Variants in AKAP12 observed in about 807,000 individuals in gnomAD.
AKAP12 encodes A-kinase anchor protein 12.
In AKAP12, 32 loss-of-function variants were observed where a neutral mutation model predicts 79.9. The ratio of observed to expected loss-of-function variants is 0.40; its 90% CI spans 0.30 to 0.54. AKAP12 has a LOEUF of 0.54. AKAP12 is among the 20% of genes least tolerant of loss of function. The pLI is 0.48. For missense variants in AKAP12, 2,074 were observed against 2,177.0 expected, an observed-to-expected ratio of 0.95 and a Z score of 0.94; for synonymous variants, 808 against 857.0, an observed-to-expected ratio of 0.94 and a Z score of 1.00.
intron 2 of AKAP12, among the ~76,000 whole-genome samples, chr6:151,296,948 T>G (rs941292727): frequency 6.6e-6 from 1 of 152,176 alleles, no homozygotes; most frequent in Non-Finnish European, 1.5e-5. Flanking sequence ...CTCCGTCTTA[T>G]TTTCAGCCTA....
At chr6:151,263,122 A>G (rs1339447735) in intron 2 of AKAP12, among the ~76,000 whole-genome samples, 2 of 151,702 alleles carry the variant, frequency 1.3e-5, no homozygotes, top group African/African-American at 2.4e-5. Context: ...TGCAGCCTCA[A>G]TCTCCTGATC....
At chr6:151,261,729 ATTAT>A (rs1044879374) in intron 2 of AKAP12, among the ~76,000 whole-genome samples, 1 of 141,598 alleles carries the variant, frequency 7.1e-6, no homozygotes, top group South Asian at 2.4e-4. Flanking sequence ...AGTGGTTTTT[ATTAT>A]TTTATTTATT....
intron 3 of AKAP12, chr6:151,326,027 C>T (rs1408634183): frequency 4.3e-6 from 5 of 1,167,824 alleles, no homozygotes; most frequent in Non-Finnish European, 6.2e-6. Context: ...TATTTCTCTC[C>T]GTGTACTGAG....
intron 2 of AKAP12, among the ~76,000 whole-genome samples, chr6:151,269,791 A>G (rs559764362): frequency 6.6e-6 from 1 of 152,308 alleles, no homozygotes; most frequent in East Asian, 1.9e-4. Context: ...GGTTTTTAGC[A>G]TGTTTACAGA....
intron 3 of AKAP12, among the ~76,000 whole-genome samples, chr6:151,321,528 C>CTTTTTTTTTTTTTTTTTTTTT (rs1375253568): frequency 6.6e-6 from 1 of 151,240 alleles, no homozygotes; most frequent in Non-Finnish European, 1.5e-5. Context: ...TTTCTTATTA[C>CTTTTTTTTTTTTTTTTTTTTT]TTTTTATTAC....
intron 3 of AKAP12, among the ~76,000 whole-genome samples, chr6:151,333,286 C>G (rs911511527): frequency 2.0e-5 from 3 of 152,122 alleles, no homozygotes; most frequent in Admixed American, 6.5e-5. Context: ...TTATCAATCA[C>G]TCCCTTCACT....
chr6:151,351,235 C>G lies in AKAP12; in HGVS notation c.2844C>G (p.Pro948=), dbSNP rs372570130. ...AAGTAATTGCAGAAGAAGAACCCCC[C>G]ACGGTTACTGAACCTCTGCCAGAGA... ...EREVIAEEEP[P]TVTEPLPENR... Residue 948 remains proline, a synonymous_variant, in exon 4 of 5, where the codon CCC becomes CCG. Transcript: ENST00000402676. This position sits in a 1 kb window ranked among gnomAD's most constrained non-coding sequence, Gnocchi z 4.4. 10 of 1,614,104 alleles carry G rather than the reference C, an allele frequency of 6.2e-6. No homozygotes were observed. Among genetic ancestry groups the G allele is most frequent in the East Asian group, 2.2e-5 (1 of 44,896 alleles).
intron 2 of AKAP12, among the ~76,000 whole-genome samples, chr6:151,245,254 T>G (rs1797047529): frequency 6.6e-6 from 1 of 151,672 alleles, no homozygotes; most frequent in South Asian, 2.1e-4. Context: ...CATGCGAAGT[T>G]AGAAATTAGA....
At position 151,352,930 on chromosome 6, in the gene AKAP12, T is replaced by C. The variant is rs774160470; in HGVS notation, c.4539T>C (p.Asp1513=). Reference sequence around the variant, plus strand: ...CCACATCACTGAAGTGGAAGTCAGATGAAGTCGATGAGCAGGTTGCTTGCC... The same window carrying C: ...CCACATCACTGAAGTGGAAGTCAGACGAAGTCGATGAGCAGGTTGCTTGCC... ...EKTTSLKWKS[D]EVDEQVACQE... is the part of the protein sequence containing the mutation. Residue 1513 remains aspartate (D), a synonymous_variant, in exon 4 of 5, where the codon GAT becomes GAC. Transcript: ENST00000402676. The C allele has an allele frequency of 1.2e-6, 2 of 1,613,860 alleles. No individual in the cohort carries two copies. The highest frequency in any genetic ancestry group is 8.5e-7 in the Non-Finnish European group (1 of 1,180,012).
At position 151,265,531 on chromosome 6, in the gene AKAP12, A is replaced by G. The variant is rs147037098; in HGVS notation, c.162+24807A>G. Among the ~76,000 whole-genome samples, 24 of 152,366 alleles carry G rather than the reference A, an allele frequency of 1.6e-4. 2 individuals carry two copies. The East Asian group carries it at 3.7e-3, about 23-fold the overall frequency. ...AGGGATATAGTGACCCAGGAAATCA[A>G]TTAGCTAAACTGACTTCAATCCAGT... On this transcript the variant is annotated intron_variant, in intron 2 of 4. Coordinates refer to ENST00000402676, the MANE Select transcript of AKAP12 (RefSeq NM_005100.4).
chr6:151,264,686 G>T (rs1490412968), intron 2 of AKAP12, among the ~76,000 whole-genome samples: 1 of 146,744 alleles, frequency 6.8e-6, no homozygotes, highest in Non-Finnish European at 1.5e-5. Context: ...AAAAAAAAAA[G>T]AATTAAAGAT....
chr6:151,310,470 G>A, intron 3 of AKAP12, among the ~76,000 whole-genome samples: 1 of 152,190 alleles, frequency 6.6e-6, no homozygotes, highest in East Asian at 1.9e-4. Flanking sequence ...CAGGCTGGGG[G>A]CGGTGGCTCA....
intron 2 of AKAP12, among the ~76,000 whole-genome samples, chr6:151,251,314 G>A (rs1797170194): frequency 6.6e-6 from 1 of 152,190 alleles, no homozygotes; most frequent in African/African-American, 2.4e-5. Context: ...TGAGTGCGTC[G>A]TGAACCCCTG....
At chr6:151,323,508 G>A (rs1033640126) in intron 3 of AKAP12, among the ~76,000 whole-genome samples, 11 of 151,524 alleles carry the variant, frequency 7.3e-5, no homozygotes, top group Middle Eastern at 3.4e-3. Context: ...AGCCGAGATC[G>A]CGTCATTGCA....
chr6:151,253,093 T>C (rs1345570729), intron 2 of AKAP12, among the ~76,000 whole-genome samples: 1 of 152,166 alleles, frequency 6.6e-6, no homozygotes, highest in Non-Finnish European at 1.5e-5. Flanking sequence ...AGGCCCTGGG[T>C]TTTACCTGCC....
At chr6:151,287,282 C>T (rs761922063) in intron 2 of AKAP12, among the ~76,000 whole-genome samples, 25 of 151,634 alleles carry the variant, frequency 1.6e-4, no homozygotes, top group East Asian at 3.9e-4. Context: ...TTTTCTGAGA[C>T]GGGGTGTTGC....
intron 3 of AKAP12, among the ~76,000 whole-genome samples, chr6:151,316,783 A>G (rs1010046092): frequency 5.9e-5 from 9 of 152,194 alleles, no homozygotes; most frequent in African/African-American, 1.9e-4. Context: ...GGCTTGCACC[A>G]CCACACCTGG....
chr6:151,310,320 C>T (rs929287722), intron 3 of AKAP12, among the ~76,000 whole-genome samples: 3 of 151,880 alleles, frequency 2.0e-5, no homozygotes, highest in African/African-American at 4.8e-5. Flanking sequence ...GCTGAGATCA[C>T]GCCACTGCAC....
In AKAP12 at chr6:151,325,749, C is replaced by G. The variant is rs944826980; in HGVS notation, c.319+19846C>G. ...TCCGGGAGTGTCTGGGCGCTCAGTC[C>G]GCTCTGATCCCGCCGAAACCACCTG... On this transcript the variant is annotated intron_variant, in intron 3 of 4. Transcript: ENST00000402676. 3.2e-6 allele frequency: 5 copies of G among 1,580,352 alleles called. No individual in the cohort carries two copies. In the East Asian group the frequency reaches 9.1e-5, roughly 29 times the overall value.
Sources: gnomAD v4.1 joint callset for allele counts (sites outside exome capture counted in the v4.1 genomes callset) on GRCh38, gnomAD v4.1.1 for gene constraint, Gnocchi (gnomAD v3.1) non-coding constraint, MANE v1.5 for transcripts, NCBI Gene and HGNC (gene_info 2026-07-23, HGNC 2026-07-21) for gene names.